Variants in RAPGEF4 observed in about 807,000 individuals in gnomAD.
RAPGEF4 encodes the protein Rap guanine nucleotide exchange factor 4.
In RAPGEF4, 66 loss-of-function variants were observed where a neutral mutation model predicts 147.9. The ratio of observed to expected loss-of-function variants is 0.45; its 90% CI spans 0.37 to 0.55. RAPGEF4 has a LOEUF of 0.55. RAPGEF4 is among the 20% of genes least tolerant of loss of function. The probability of loss-of-function intolerance (pLI) is 0.00; values close to 1 mark genes in which losing one functional copy is unlikely to be tolerated. For synonymous variants in RAPGEF4, 419 were observed against 442.7 expected, an observed-to-expected ratio of 0.95 and a Z score of 0.67; for missense variants, 1,071 against 1,257.3, an observed-to-expected ratio of 0.85 and a Z score of 2.24.
chr2:172,892,407 T>TG (rs1698025194), intron 4 of RAPGEF4, among the ~76,000 whole-genome samples: 1 of 152,232 alleles, frequency 6.6e-6, no homozygotes, highest in African/African-American at 2.4e-5. Context: ...CAGCTGCCAC[T>TG]GTGACAGACA....
chr2:172,748,045 A>G (rs1158213057), intron 1 of RAPGEF4, among the ~76,000 whole-genome samples: 1 of 152,174 alleles, frequency 6.6e-6, no homozygotes, highest in Admixed American at 6.5e-5. Flanking sequence ...TTGTGTATAT[A>G]TACACCACAT....
chr2:172,745,395 G>C (rs979558370), intron 1 of RAPGEF4, among the ~76,000 whole-genome samples: 4 of 151,310 alleles, frequency 2.6e-5, no homozygotes, highest in Non-Finnish European at 4.4e-5. Flanking sequence ...TCCTTTTAAT[G>C]CCATTAGGAT....
intron 4 of RAPGEF4, among the ~76,000 whole-genome samples, chr2:172,849,873 G>A (rs1415260320): frequency 1.3e-5 from 2 of 152,234 alleles, no homozygotes; most frequent in Non-Finnish European, 2.9e-5. Context: ...TTTCAATGGT[G>A]ATGGATTGTC....
chr2:172,965,454 G>A, intron 8 of RAPGEF4, 108 bp from the exon 9 acceptor site: 1 of 1,279,544 alleles, frequency 7.8e-7, no homozygotes, highest in Admixed American at 1.8e-5. Flanking sequence ...ACCTCTTCTG[G>A]TAGGAGATCA....
chr2:172,945,616 T>A (rs1687605571), intron 6 of RAPGEF4, among the ~76,000 whole-genome samples: 1 of 152,224 alleles, frequency 6.6e-6, no homozygotes, highest in Non-Finnish European at 1.5e-5. Flanking sequence ...ATTCAAAGTG[T>A]AGGACAAAGA....
upstream of RAPGEF4, chr2:172,735,588 G>C (rs1427239391): frequency 6.6e-6 from 1 of 152,410 alleles, no homozygotes; most frequent in Non-Finnish European, 1.5e-5. Context: ...GAGGCCCCGG[G>C]GTGAGGGTGG....
At chr2:172,850,261 T>A (rs1409092529) in intron 4 of RAPGEF4, among the ~76,000 whole-genome samples, 1 of 152,024 alleles carries the variant, frequency 6.6e-6, no homozygotes, top group East Asian at 1.9e-4. Context: ...AGAAAAAAAA[T>A]CATTACTTTT....
intron 4 of RAPGEF4, among the ~76,000 whole-genome samples, chr2:172,872,652 TC>T (rs931751260): frequency 1.3e-5 from 2 of 151,922 alleles, no homozygotes; most frequent in Non-Finnish European, 1.5e-5. Context: ...ATGTGGCACT[TC>T]CCCCCTCGCT....
At chr2:172,814,945 A>T (rs1688360391) in intron 4 of RAPGEF4, among the ~76,000 whole-genome samples, 1 of 152,236 alleles carries the variant, frequency 6.6e-6, no homozygotes, top group African/African-American at 2.4e-5. Context: ...ACAGCAGTGA[A>T]TGGATGCAAC....
chr2:172,953,001 G>A (rs577106815), intron 6 of RAPGEF4, among the ~76,000 whole-genome samples: 3 of 151,970 alleles, frequency 2.0e-5, no homozygotes, highest in Non-Finnish European at 2.9e-5. Context: ...CAGTTGACAG[G>A]GGGGGTCCAG....
intron 17 of RAPGEF4, among the ~76,000 whole-genome samples, chr2:173,011,599 C>A (rs895958932): frequency 2.0e-5 from 3 of 151,996 alleles, no homozygotes; most frequent in Non-Finnish European, 1.5e-5. Context: ...CATGTGAATA[C>A]CTCCTTTCCA....
At chr2:172,940,104 G>C (rs751444176) in intron 6 of RAPGEF4, among the ~76,000 whole-genome samples, 4 of 152,036 alleles carry the variant, frequency 2.6e-5, no homozygotes, top group Non-Finnish European at 5.9e-5. Context: ...GCATTTTGTA[G>C]AATGTCCCTC....
At chr2:172,830,929 G>T (rs992031115) in intron 4 of RAPGEF4, among the ~76,000 whole-genome samples, 27 of 152,108 alleles carry the variant, frequency 1.8e-4, no homozygotes, top group Admixed American at 7.9e-4. Context: ...CTCTTCACCA[G>T]AAGCAACCAC....
At chr2:172,826,051 G>T (rs565374193) in intron 4 of RAPGEF4, among the ~76,000 whole-genome samples, 157 of 152,132 alleles carry the variant, frequency 1.0e-3, no homozygotes, top group African/African-American at 3.5e-3. Context: ...CTGGATATTT[G>T]CACCATGATC....
intron 17 of RAPGEF4, among the ~76,000 whole-genome samples, chr2:173,009,425 G>A (rs1285076969): frequency 2.0e-5 from 3 of 152,172 alleles, no homozygotes; most frequent in African/African-American, 4.8e-5. Context: ...TTACGACCTC[G>A]TTCCTTCTGT....
chr2:173,046,597 A>C (rs1685499695), intron 29 of RAPGEF4, among the ~76,000 whole-genome samples: 1 of 152,234 alleles, frequency 6.6e-6, no homozygotes, highest in South Asian at 2.1e-4. Context: ...AAGTGAAAAA[A>C]CAACTTAAAA....
At chr2:172,858,652 G>A (rs1027254312) in intron 4 of RAPGEF4, among the ~76,000 whole-genome samples, 1 of 152,222 alleles carries the variant, frequency 6.6e-6, no homozygotes. Context: ...TTAAGCAGCC[G>A]AGTGACAAGC....
At chr2:172,785,950 G>T (rs779776106) in intron 1 of RAPGEF4, among the ~76,000 whole-genome samples, 3 of 152,136 alleles carry the variant, frequency 2.0e-5, no homozygotes, top group Non-Finnish European at 4.4e-5. Flanking sequence ...ACTCTCCACG[G>T]TAAAGGGTTT....
intron 4 of RAPGEF4, among the ~76,000 whole-genome samples, chr2:172,857,902 A>AGGG (rs1693620217): frequency 1.4e-4 from 1 of 7,318 alleles, no homozygotes; most frequent in Non-Finnish European, 4.4e-4. Context: ...AAAAAAAAAA[A>AGGG]AAAAAAAAAA....
Sources: allele counts gnomAD v4.1 joint callset (sites outside exome capture counted in the v4.1 genomes callset), GRCh38; gene constraint gnomAD v4.1.1; transcripts MANE v1.5; gene names NCBI Gene and HGNC (gene_info 2026-07-23, HGNC 2026-07-21).